HS6ST2: variants seen among roughly 807,000 people sequenced by gnomAD.
HS6ST2 encodes the protein heparan sulfate 6-O-sulfotransferase 2.
A neutral mutation model predicts 33.0 loss-of-function variants in HS6ST2; 17 were observed. That is an observed-to-expected ratio of 0.52 (90% CI 0.35 to 0.77). The LOEUF is 0.77. Among genes scored for constraint, HS6ST2 ranks in the 30% least tolerant of loss-of-function variants. HS6ST2 has a pLI of 0.01. For missense variants in HS6ST2, 519 were observed against 551.7 expected (o/e 0.94, Z 0.59); for synonymous variants, 248 against 237.1 (o/e 1.05, Z -0.42).
At chrX:132,730,196 G>A (rs2064443259) in intron 2 of HS6ST2, among the ~76,000 whole-genome samples, 1 of 111,710 alleles carries the variant, frequency 9.0e-6, no homozygotes, top group Non-Finnish European at 1.9e-5. Context: ...CTTACACTGC[G>A]CTGCCACTAC....
At chrX:132,839,272 GTATA>G (rs748319681) in intron 2 of HS6ST2, among the ~76,000 whole-genome samples, 2,048 of 62,514 alleles carry the variant, frequency 0.033, 36 homozygotes, top group Middle Eastern at 0.053. Context: ...TGTAGTGTGT[GTATA>G]TATATATATA....
chrX:132,932,420 C>T (rs1261719734), intron 2 of HS6ST2, among the ~76,000 whole-genome samples: 1 of 111,664 alleles, frequency 9.0e-6, no homozygotes, highest in Non-Finnish European at 1.9e-5. Flanking sequence ...ATGCCCAAGA[C>T]AGCCCTCTGA....
intron 3 of HS6ST2, among the ~76,000 whole-genome samples, chrX:132,687,008 A>G (rs746952850): frequency 8.9e-6 from 1 of 112,261 alleles, no homozygotes; most frequent in Non-Finnish European, 1.9e-5. Flanking sequence ...TGACCCTTCA[A>G]GCTCAGTCAT....
chrX:132,670,842 G>A (rs1253156663), intron 3 of HS6ST2, among the ~76,000 whole-genome samples: 2 of 111,842 alleles, frequency 1.8e-5, no homozygotes, highest in East Asian at 2.8e-4. Flanking sequence ...AAACGTCTAG[G>A]GGGTATGAAA....
chrX:132,812,708 G>A (rs1243582697), intron 2 of HS6ST2, among the ~76,000 whole-genome samples: 8 of 109,349 alleles, frequency 7.3e-5, no homozygotes, highest in African/African-American at 1.0e-4. Flanking sequence ...GGTTTCTTAC[G>A]CAGAGAATTC....
At chrX:132,766,024 A>G (rs771643273) in intron 2 of HS6ST2, among the ~76,000 whole-genome samples, 1 of 111,938 alleles carries the variant, frequency 8.9e-6, no homozygotes, top group Admixed American at 9.5e-5. Context: ...CCTTAGACTC[A>G]CGTGGCAAAG....
At chrX:132,684,482 T>C (rs1178330690) in intron 3 of HS6ST2, among the ~76,000 whole-genome samples, 1 of 109,618 alleles carries the variant, frequency 9.1e-6, no homozygotes, top group Non-Finnish European at 1.9e-5. Flanking sequence ...AAGTGGCAAA[T>C]GGGCGGCCTT....
At position 132,628,170 on chromosome X, in the gene HS6ST2, C is replaced by A; in HGVS notation, c.*53G>T. 1 of 866,526 alleles carries A rather than the reference C, an allele frequency of 1.2e-6. No individual in the cohort carries two copies. Among genetic ancestry groups the A allele is most frequent in the Non-Finnish European group, 1.6e-6 (1 of 624,318 alleles). The allele number at this position is 866,526 out of a possible 1,213,427, so 71.4% of individuals were successfully genotyped here. On this transcript the variant is annotated 3_prime_UTR_variant, in exon 5 of 5. Coordinates refer to ENST00000370833, the MANE Select transcript of HS6ST2 (RefSeq NM_001394073.1). Reference sequence around the variant, plus strand: ...GGACACTTTCATCTTTTAAGCTATGCCATCTTTTCAGTGGCGCTTTGGGAG... The same window carrying A: ...GGACACTTTCATCTTTTAAGCTATGACATCTTTTCAGTGGCGCTTTGGGAG...
chrX:132,686,730 A>G (rs1405597625), intron 3 of HS6ST2, among the ~76,000 whole-genome samples: 1 of 111,716 alleles, frequency 9.0e-6, no homozygotes, highest in Non-Finnish European at 1.9e-5. Flanking sequence ...CATGATGCTT[A>G]TAAGTGGGAA....
intron 2 of HS6ST2, chrX:132,758,428 A>G (rs1460837381): frequency 8.9e-6 from 1 of 112,016 alleles, no homozygotes; most frequent in East Asian, 2.8e-4. Flanking sequence ...TGGAATTCAT[A>G]TGAGAGTCCC....
In HS6ST2 at chrX:132,958,388, C is replaced by T; in HGVS notation, c.215G>A (p.Arg72Gln). 1 of 1,198,667 alleles carries T rather than the reference C, an allele frequency of 8.3e-7. No individual in the cohort carries two copies. Among genetic ancestry groups the T allele is most frequent in the Non-Finnish European group, 1.1e-6 (1 of 892,441 alleles). The part of the protein sequence containing the change: ...FHTRPLLDKP[R>Q]KASSSLAGAA... ...TCCCGCCAGGGAAGAAGACGCCTTT[C>T]GGGGCTTGTCCAGGAGCGGCCGGGT... The change falls in exon 1 of 5, where the codon CGA becomes CAA. Residue 72 changes from arginine to glutamine, a missense_variant. By Grantham distance (43) the Arg-to-Gln change is conservative. Transcript: ENST00000370833.
intron 2 of HS6ST2, among the ~76,000 whole-genome samples, chrX:132,882,101 G>A (rs1373390595): frequency 1.2e-4 from 13 of 111,293 alleles, no homozygotes; most frequent in South Asian, 7.7e-4. Flanking sequence ...TTGACTTGGC[G>A]ATGCAGGCTC....
intron 2 of HS6ST2, among the ~76,000 whole-genome samples, chrX:132,833,753 G>T (rs978457150): frequency 9.2e-6 from 1 of 108,699 alleles, no homozygotes; most frequent in Non-Finnish European, 1.9e-5. Context: ...AAGTTTTCAC[G>T]GCCAGATCTT....
intron 2 of HS6ST2, among the ~76,000 whole-genome samples, chrX:132,866,067 T>G (rs1357529155): frequency 6.3e-5 from 7 of 110,954 alleles, no homozygotes; most frequent in South Asian, 3.8e-4. Context: ...GCCTATGTCC[T>G]GAATGGTAAT....
intron 2 of HS6ST2, among the ~76,000 whole-genome samples, chrX:132,783,712 C>T (rs776446788): frequency 1.9e-4 from 21 of 111,073 alleles, no homozygotes; most frequent in Non-Finnish European, 3.4e-4. Flanking sequence ...TCCCTCAGGT[C>T]CCAATAACTC....
chrX:132,859,269 A>G (rs1157041594), intron 2 of HS6ST2, among the ~76,000 whole-genome samples: 2 of 111,948 alleles, frequency 1.8e-5, no homozygotes, highest in Non-Finnish European at 3.8e-5. Flanking sequence ...CAGCAGAACT[A>G]CAGTGCCATT....
chrX:132,821,863 C>T (rs765237124), intron 2 of HS6ST2, among the ~76,000 whole-genome samples: 4 of 110,543 alleles, frequency 3.6e-5, no homozygotes, highest in South Asian at 3.9e-4. Context: ...TGGTGGCATG[C>T]GCCTGTAATC....
chrX:132,791,199 A>G (rs2065117515), intron 2 of HS6ST2, among the ~76,000 whole-genome samples: 1 of 111,826 alleles, frequency 8.9e-6, no homozygotes. Context: ...TTTGTGGTCA[A>G]AGACATGGAA....
At chrX:132,826,668 G>A (rs1368838350) in intron 2 of HS6ST2, among the ~76,000 whole-genome samples, 1 of 108,822 alleles carries the variant, frequency 9.2e-6, no homozygotes, top group African/African-American at 3.3e-5. Context: ...TATATATAAA[G>A]GGCCACTGCT....
Sources: allele counts gnomAD v4.1 joint callset (sites outside exome capture counted in the v4.1 genomes callset), GRCh38; gene constraint gnomAD v4.1.1; transcripts MANE v1.5; gene names NCBI Gene and HGNC (gene_info 2026-07-23, HGNC 2026-07-21).